The following ORC4 variants were observed in gnomAD, a reference collection of about 807,000 sequenced individuals.
ORC4 encodes origin recognition complex, subunit 4 homolog.
Under a neutral mutation model 63.9 loss-of-function variants are expected in ORC4, and 55 were observed. The observed-to-expected ratio is 0.86, with a 90% CI of 0.69 to 1.08. The LOEUF is 1.08. Ranked by LOEUF, ORC4 falls within the 50% of genes least tolerant of loss-of-function variation. ORC4 has a pLI of 0.00. For synonymous variants in ORC4, 150 were observed against 168.5 expected, an observed-to-expected ratio of 0.89 and a Z score of 0.85; for missense variants, 511 against 504.4, an observed-to-expected ratio of 1.01 and a Z score of -0.13.
intron 1 of ORC4, among the ~76,000 whole-genome samples, chr2:147,990,571 C>G (rs1156870669): frequency 2.0e-5 from 3 of 152,218 alleles, no homozygotes; most frequent in Admixed American, 6.5e-5. Flanking sequence ...CAAGTTGGGG[C>G]ACAGCCTCTG....
At chr2:148,004,586 G>GC (rs1040625286) in intron 1 of ORC4, among the ~76,000 whole-genome samples, 5 of 151,792 alleles carry the variant, frequency 3.3e-5, no homozygotes, top group Admixed American at 6.6e-5. Context: ...ACTGAAACTG[G>GC]CCCCCCCTTC....
intron 4 of ORC4, among the ~76,000 whole-genome samples, chr2:147,965,075 A>G (rs1689823458): frequency 6.6e-6 from 1 of 152,190 alleles, no homozygotes; most frequent in African/African-American, 2.4e-5. Flanking sequence ...TCTAACATCC[A>G]CAAATGCAAA....
intron 1 of ORC4, among the ~76,000 whole-genome samples, chr2:147,987,332 A>G (rs887091490): frequency 6.8e-6 from 1 of 147,324 alleles, no homozygotes; most frequent in Admixed American, 6.8e-5. Flanking sequence ...TTGTCATTTA[A>G]AAGAACAAGA....
intron 1 of ORC4, among the ~76,000 whole-genome samples, chr2:147,994,226 A>G (rs1691799080): frequency 6.6e-6 from 1 of 152,260 alleles, no homozygotes. Context: ...AAGTCTAAAT[A>G]AATGAGATCA....
At chr2:147,950,702 T>A (rs542531381) in intron 8 of ORC4, among the ~76,000 whole-genome samples, 1 of 150,566 alleles carries the variant, frequency 6.6e-6, no homozygotes, top group Admixed American at 6.6e-5. Context: ...AAGGTGGAGG[T>A]TGCAGTGAGC....
At chr2:148,020,299 A>T (rs1185937534) in intron 1 of ORC4, among the ~76,000 whole-genome samples, 1 of 152,194 alleles carries the variant, frequency 6.6e-6, no homozygotes, top group Admixed American at 6.5e-5. Flanking sequence ...TCCTGCAGTC[A>T]TGAGGGTCAA....
chr2:148,010,073 A>G (rs1354312722), intron 1 of ORC4, among the ~76,000 whole-genome samples: 2 of 152,224 alleles, frequency 1.3e-5, no homozygotes, highest in African/African-American at 4.8e-5. Context: ...ATACAAACAT[A>G]TAAGAATTAA....
At chr2:147,953,447 C>CA in intron 7 of ORC4, among the ~76,000 whole-genome samples, 1 of 152,058 alleles carries the variant, frequency 6.6e-6, no homozygotes, top group East Asian at 1.9e-4. Flanking sequence ...ATAAAATTGA[C>CA]AGAGTTTTCT....
chr2:147,951,140 C>A (rs1688937550), intron 8 of ORC4, among the ~76,000 whole-genome samples: 1 of 152,020 alleles, frequency 6.6e-6, no homozygotes, highest in South Asian at 2.1e-4. Context: ...AGAAACAGCA[C>A]TGGAAGGAGG....
chr2:147,965,372 C>G (rs571915781), intron 4 of ORC4, among the ~76,000 whole-genome samples: 6 of 151,610 alleles, frequency 4.0e-5, no homozygotes, highest in Non-Finnish European at 8.8e-5. Context: ...CAATTATATG[C>G]TGCTACAAGA....
chr2:148,013,475 T>A (rs1331370171), intron 1 of ORC4, among the ~76,000 whole-genome samples: 2 of 152,178 alleles, frequency 1.3e-5, no homozygotes, highest in East Asian at 3.9e-4. Context: ...TAGAAAAATA[T>A]AGTTAGATAG....
rs1387255744 is a variant in ORC4 at position 148,000,771 on chromosome 2, A to C, written c.-18+19862T>G. The stretch of plus-strand genomic sequence containing the variant: ...AATATATGGAAAGGCTGTTTTGACA[A>C]CCAGCAGATAGTTTGGGTCTAAATG... On this transcript the variant is annotated intron_variant, in intron 1 of 13. Coordinates refer to ENST00000392857, the MANE Select transcript of ORC4 (RefSeq NM_181741.4). 6.6e-5 allele frequency among the ~76,000 whole-genome samples: 10 copies of C among 152,140 alleles called. No homozygotes were observed. In the East Asian group the frequency reaches 7.7e-4, roughly 12 times the overall value.
intron 8 of ORC4, chr2:147,951,562 C>T (rs1295568618): frequency 6.6e-6 from 1 of 152,158 alleles, no homozygotes; most frequent in Non-Finnish European, 1.5e-5. Flanking sequence ...CCCATTTGAC[C>T]TTCCACCATG....
At chr2:147,943,964 G>A (rs768671068) in intron 9 of ORC4, among the ~76,000 whole-genome samples, 8 of 152,140 alleles carry the variant, frequency 5.3e-5, no homozygotes, top group Non-Finnish European at 1.0e-4. Context: ...GGAACAGCAT[G>A]AGTAGCAGGA....
chr2:147,959,211 ATC>A (rs753195231), intron 4 of ORC4, among the ~76,000 whole-genome samples: 32 of 152,146 alleles, frequency 2.1e-4, no homozygotes, highest in Non-Finnish European at 4.0e-4. Flanking sequence ...TACATTACAC[ATC>A]TCTCTGACAA....
chr2:147,943,658 T>C, intron 9 of ORC4, 136 bp from the exon 10 acceptor site: 1 of 640,602 alleles, frequency 1.6e-6, no homozygotes, highest in Non-Finnish European at 2.7e-6. Flanking sequence ...TAGATGTTGG[T>C]CTTATTTGTA....
intron 1 of ORC4, among the ~76,000 whole-genome samples, chr2:147,981,774 C>T (rs1690905985): frequency 6.6e-6 from 1 of 151,986 alleles, no homozygotes; most frequent in African/African-American, 2.4e-5. Flanking sequence ...GATTTGAACC[C>T]AAATAAGTTG....
In ORC4 at chr2:147,933,442, A is replaced by T. The variant is rs1278484780; in HGVS notation, c.*2068T>A. 6.6e-6 allele frequency: 1 copy of T among 152,104 alleles called. No homozygotes were observed. The highest frequency in any genetic ancestry group is 6.6e-5 in the Admixed American group (1 of 15,242). The allele number at this position is 152,104 out of a possible 1,614,324, so 9.4% of individuals were successfully genotyped here. A position where few individuals can be genotyped will look rare whatever the true frequency, so the allele number is the denominator to read the frequency against. ...TAATAGGCGTACACTTCATTTGTGT[A>T]ACTTTTCCTAATGTATTTTTTTTTA... is the stretch of plus-strand genomic sequence containing the variant. On this transcript the variant is annotated 3_prime_UTR_variant, in exon 14 of 14. Transcript: ENST00000392857.
At chr2:148,016,200 G>A (rs1366105216) in intron 1 of ORC4, among the ~76,000 whole-genome samples, 2 of 152,128 alleles carry the variant, frequency 1.3e-5, no homozygotes, top group Non-Finnish European at 2.9e-5. Flanking sequence ...GGACTGTGAG[G>A]TGCAACAAAA....
Sources: gnomAD v4.1 joint callset for allele counts (sites outside exome capture counted in the v4.1 genomes callset) on GRCh38, gnomAD v4.1.1 for gene constraint, MANE v1.5 for transcripts, NCBI Gene and HGNC (gene_info 2026-07-23, HGNC 2026-07-21) for gene names.